SYT17: variants seen among roughly 807,000 people sequenced by gnomAD.
SYT17 encodes the protein synaptotagmin 17.
In SYT17, 22 loss-of-function variants were observed where a neutral mutation model predicts 46.7. The ratio of observed to expected loss-of-function variants is 0.47; its 90% confidence interval spans 0.34 to 0.67. SYT17 has a LOEUF of 0.67. SYT17 is among the 30% of genes least tolerant of loss of function. SYT17 has a pLI of 0.01. For missense variants in SYT17, 519 were observed against 612.8 expected, an observed-to-expected ratio of 0.85 and a Z score of 1.62; for synonymous variants, 251 against 248.4, an observed-to-expected ratio of 1.01 and a Z score of -0.10.
At chr16:19,208,207 C>T (rs1596953008) in intron 5 of SYT17, among the ~76,000 whole-genome samples, 7 of 152,158 alleles carry the variant, frequency 4.6e-5, no homozygotes, top group Admixed American at 2.6e-4. Flanking sequence ...GTTTGCTATA[C>T]ACATATATTA....
chr16:19,251,252 C>T (rs1262090774), intron 7 of SYT17, among the ~76,000 whole-genome samples: 1 of 152,172 alleles, frequency 6.6e-6, no homozygotes, highest in Non-Finnish European at 1.5e-5. Flanking sequence ...GAATTCAAAT[C>T]CCGCTCTACC....
chr16:19,264,324 A>G (rs1297643509), intron 7 of SYT17, among the ~76,000 whole-genome samples: 1 of 152,240 alleles, frequency 6.6e-6, no homozygotes, highest in Admixed American at 6.5e-5. Flanking sequence ...CTGTGTTCCA[A>G]TAAAACTTTA....
At chr16:19,262,363 C>G (rs1354305929) in intron 7 of SYT17, among the ~76,000 whole-genome samples, 1 of 152,188 alleles carries the variant, frequency 6.6e-6, no homozygotes, top group Admixed American at 6.5e-5. Flanking sequence ...TGAAGGAGAG[C>G]AAGCCCTCAC....
intron 5 of SYT17, among the ~76,000 whole-genome samples, chr16:19,187,447 A>G (rs1222148288): frequency 6.6e-6 from 1 of 152,160 alleles, no homozygotes; most frequent in Non-Finnish European, 1.5e-5. Flanking sequence ...CAGGTCTTGC[A>G]CCGTTGGAGT....
chr16:19,210,834 C>A (rs923113971), intron 5 of SYT17, among the ~76,000 whole-genome samples: 1 of 152,166 alleles, frequency 6.6e-6, no homozygotes, highest in Non-Finnish European at 1.5e-5. Context: ...TGTGTGCGCA[C>A]ATTTGAAACC....
At chr16:19,211,396 T>C (rs772775531) in intron 5 of SYT17, 2 of 703,516 alleles carry the variant, frequency 2.8e-6, no homozygotes, top group East Asian at 2.7e-5. Context: ...TTGTTTCTGG[T>C]GCTGTGAATA....
At chr16:19,250,404 T>TGTGTGTGTGTGTGTGTGTGTGTG (rs1967969018) in intron 7 of SYT17, among the ~76,000 whole-genome samples, 2 of 147,764 alleles carry the variant, frequency 1.4e-5, no homozygotes, top group African/African-American at 5.1e-5. Context: ...TGTGTGTGTG[T>TGTGTGTGTGTGTGTGTGTGTGTG]TTGGAGACAG....
intron 7 of SYT17, among the ~76,000 whole-genome samples, chr16:19,244,902 A>G (rs1967420220): frequency 6.6e-6 from 1 of 152,194 alleles, no homozygotes. Flanking sequence ...ACTCTGAAGG[A>G]GAGGCTGGGA....
In SYT17 at chr16:19,172,804, T is replaced by C. The variant is rs573415165; in HGVS notation, c.33+27T>C. 4.8e-5 allele frequency: 78 copies of C among 1,613,942 alleles called. 1 individual carries two copies. The South Asian group carries it at 7.9e-4, about 16-fold the overall frequency. ...TGGGTTCATTTGATGATTTGTTTGG[T>C]CTGGTTTCTAATCAAGAAATGCCTG... On this transcript the variant is annotated intron_variant, in intron 2 of 7. Coordinates refer to ENST00000355377, the MANE Select transcript of SYT17 (RefSeq NM_016524.4).
intron 5 of SYT17, among the ~76,000 whole-genome samples, chr16:19,193,997 G>T (rs1197668311): frequency 1.3e-5 from 2 of 152,230 alleles, no homozygotes; most frequent in East Asian, 3.8e-4. Flanking sequence ...GGCACCTTTA[G>T]CGTTGCTACA....
intron 7 of SYT17, among the ~76,000 whole-genome samples, chr16:19,261,882 T>A (rs561458260): frequency 6.6e-6 from 1 of 152,336 alleles, no homozygotes; most frequent in South Asian, 2.1e-4. Context: ...GTTATTTAAT[T>A]CATTTCCTCC....
At chr16:19,264,599 T>G (rs1469085583) in intron 7 of SYT17, among the ~76,000 whole-genome samples, 5 of 151,138 alleles carry the variant, frequency 3.3e-5, no homozygotes, top group Non-Finnish European at 7.4e-5. Context: ...CCCCCACCTT[T>G]TTTTTTTTTT....
rs1046009540 is a variant in SYT17 at position 19,168,939 on chromosome 16, C to T, written c.15+278C>T. 1.3e-5 allele frequency among the ~76,000 whole-genome samples: 2 copies of T among 150,954 alleles called. No homozygotes were observed. The highest frequency in any genetic ancestry group is 4.9e-5 in the African/African-American group (2 of 41,120). On this transcript the variant is annotated intron_variant, in intron 1 of 7. Transcript: ENST00000355377. This position sits in a 1 kb window ranked among gnomAD's most constrained non-coding sequence, Gnocchi z 6.9. ...GGAATGGGGGGTGGGGCGGACTTTT[C>T]TTCTCCCCTGCCCCCTCCCTCTCCT...
chr16:19,265,321 C>T (rs1969286215), intron 7 of SYT17, among the ~76,000 whole-genome samples: 1 of 152,176 alleles, frequency 6.6e-6, no homozygotes, highest in African/African-American at 2.4e-5. Flanking sequence ...ACCAAATGTA[C>T]AAAAAATATA....
upstream of SYT17, chr16:19,168,050 G>C (rs1002806473): frequency 1.3e-5 from 2 of 152,526 alleles, no homozygotes; most frequent in African/African-American, 4.8e-5. This position sits in a 1 kb window ranked among gnomAD's most constrained non-coding sequence, Gnocchi z 6.9. Context: ...TTTGGGGAGA[G>C]GGCTGGATGG....
intron 5 of SYT17, among the ~76,000 whole-genome samples, chr16:19,219,408 C>CAAAA (rs1245756343): frequency 7.4e-4 from 1 of 1,344 alleles, no homozygotes; most frequent in Non-Finnish European, 1.2e-3. Context: ...GACTCCGTCT[C>CAAAA]AAAAAAAAAA....
intron 7 of SYT17, among the ~76,000 whole-genome samples, chr16:19,230,100 T>C (rs1487425096): frequency 6.6e-6 from 1 of 151,906 alleles, no homozygotes; most frequent in Non-Finnish European, 1.5e-5. Context: ...AGACTTTCAT[T>C]TGGGGAAGAT....
chr16:19,252,185 T>C (rs1200896043), intron 7 of SYT17, among the ~76,000 whole-genome samples: 3 of 147,626 alleles, frequency 2.0e-5, no homozygotes, highest in African/African-American at 7.9e-5. Context: ...AAAAAAACCA[T>C]GTTTGAGACG....
chr16:19,258,092 G>T (rs1033929930), intron 7 of SYT17, among the ~76,000 whole-genome samples: 1 of 151,970 alleles, frequency 6.6e-6, no homozygotes, highest in Non-Finnish European at 1.5e-5. Context: ...GAACAAATTC[G>T]TTTTTACAGC....
Sources: gnomAD v4.1 joint callset for allele counts (sites outside exome capture counted in the v4.1 genomes callset) on GRCh38, gnomAD v4.1.1 for gene constraint, Gnocchi (gnomAD v3.1) non-coding constraint, MANE v1.5 for transcripts, NCBI Gene and HGNC (gene_info 2026-07-23, HGNC 2026-07-21) for gene names.